Variants in NDUFAF6 observed in about 807,000 individuals in gnomAD.
NDUFAF6 encodes the protein NADH:ubiquinone oxidoreductase complex assembly factor 6, also known as NADH dehydrogenase (ubiquinone) complex I, assembly factor 6.
Under a neutral mutation model 40.8 loss-of-function variants are expected in NDUFAF6, and 45 were observed. The observed-to-expected ratio is 1.10, with a 90% CI of 0.87 to 1.42. The LOEUF (loss-of-function observed/expected upper bound fraction) is 1.42, where lower values mean the gene tolerates loss of function less well. NDUFAF6 is among the 40% of genes most tolerant of loss of function. The pLI is 0.00. For missense variants in NDUFAF6, 435 were observed against 418.5 expected, an observed-to-expected ratio of 1.04 and a Z score of -0.34; for synonymous variants, 185 against 155.9, an observed-to-expected ratio of 1.19 and a Z score of -1.39.
At chr8:95,074,935 T>G (rs1202645766) in intron 9 of NDUFAF6, among the ~76,000 whole-genome samples, 1 of 152,160 alleles carries the variant, frequency 6.6e-6, no homozygotes, top group Admixed American at 6.5e-5. Context: ...CTCAAAAATT[T>G]CATTCAAAGA....
At chr8:94,906,839 T>C (rs1357246106) in intron 1 of NDUFAF6, among the ~76,000 whole-genome samples, 1 of 152,236 alleles carries the variant, frequency 6.6e-6, no homozygotes, top group African/African-American at 2.4e-5. Context: ...CCCTGTGCTT[T>C]ATCTATTTGT....
In NDUFAF6 at chr8:95,058,168, CTG is replaced by C; in HGVS notation, c.*233_*234del. On this transcript the variant is annotated 3_prime_UTR_variant, in exon 9 of 9. Transcript: ENST00000396124. ...CCTGGCCCAGACAGTGTCTGCTGTG[CTG>C]TCCCTGGAAGCTGGAGCTCCAACAG... 7.0e-7 allele frequency: 1 copy of C among 1,428,698 alleles called. No individual in the cohort carries two copies. The allele number at this position is 1,428,698 out of a possible 1,614,324, so 88.5% of individuals were successfully genotyped here. A position where few individuals can be genotyped will look rare whatever the true frequency, so the allele number is the denominator to read the frequency against.
At chr8:95,025,915 A>G (rs1828061019) in intron 1 of NDUFAF6, among the ~76,000 whole-genome samples, 1 of 152,180 alleles carries the variant, frequency 6.6e-6, no homozygotes. Flanking sequence ...TTCATGCGGC[A>G]GGGACCCCTG....
intron 1 of NDUFAF6, among the ~76,000 whole-genome samples, chr8:94,904,315 TTTTGC>T: frequency 1.5e-5 from 2 of 129,768 alleles, no homozygotes; most frequent in Non-Finnish European, 3.3e-5. Flanking sequence ...GGCTAATTTT[TTTTGC>T]TTTTTTTTTT....
chr8:94,935,119 GTAGATAGATA>G lies in NDUFAF6; in HGVS notation c.-935-10353_-935-10344del, dbSNP rs959014582. Reference sequence around the variant, plus strand: ...GGTAGGTAGGTAGGTAGGTACATAGGTAGATAGATATAGATAGATAGATAGATAGATAGAT... The same window carrying G: ...GGTAGGTAGGTAGGTAGGTACATAGGTAGATAGATAGATAGATAGATAGAT... On this transcript the variant is annotated intron_variant, in intron 1 of 14. Coordinates refer to the NDUFAF6 transcript ENST00000396113. 4.3e-5 allele frequency among the ~76,000 whole-genome samples: 5 copies of G among 115,850 alleles called. No homozygotes were observed. In the East Asian group the frequency reaches 7.2e-4, roughly 17 times the overall value. 76.0% of individuals were successfully genotyped at this position (115,850 alleles called of 152,430 possible).
At chr8:94,986,379 G>A (rs1221687834) in intron 2 of NDUFAF6, among the ~76,000 whole-genome samples, 1 of 152,176 alleles carries the variant, frequency 6.6e-6, no homozygotes, top group African/African-American at 2.4e-5. Context: ...GCCTTCCTTT[G>A]CAGCTTTGTA....
chr8:94,964,232 G>A (rs961987021), intron 1 of NDUFAF6, among the ~76,000 whole-genome samples: 1 of 152,000 alleles, frequency 6.6e-6, no homozygotes, highest in Non-Finnish European at 1.5e-5. Flanking sequence ...GTTTGAGACC[G>A]ACCTGGGCAA....
chr8:95,060,942 G>A (rs1388803803), downstream of NDUFAF6, among the ~76,000 whole-genome samples: 1 of 152,126 alleles, frequency 6.6e-6, no homozygotes, highest in African/African-American at 2.4e-5. Flanking sequence ...TGTATATGGT[G>A]GGGGAGTGTG....
At chr8:95,025,507 A>G (rs1210834763) in intron 1 of NDUFAF6, among the ~76,000 whole-genome samples, 1 of 152,208 alleles carries the variant, frequency 6.6e-6, no homozygotes, top group Non-Finnish European at 1.5e-5. Flanking sequence ...TTATTCACAG[A>G]ACGTCTATTA....
intron 2 of NDUFAF6, chr8:94,988,495 T>A (rs1826043558): frequency 1.3e-5 from 2 of 152,212 alleles, no homozygotes; most frequent in African/African-American, 4.8e-5. Flanking sequence ...TGAATTCATT[T>A]TCTCTCTTGA....
chr8:95,097,168 G>A (rs1245794064), upstream of NDUFAF6, among the ~76,000 whole-genome samples: 3 of 152,206 alleles, frequency 2.0e-5, no homozygotes, highest in African/African-American at 7.2e-5. Context: ...ATGTCCATGG[G>A]AAATTACCAA....
At chr8:94,904,819 T>C (rs1240022778) in intron 1 of NDUFAF6, among the ~76,000 whole-genome samples, 2 of 152,172 alleles carry the variant, frequency 1.3e-5, no homozygotes, top group Non-Finnish European at 2.9e-5. Context: ...CCTTGAGTTC[T>C]TTATTTCTGC....
chr8:94,903,467 A>G (rs1306260375), intron 1 of NDUFAF6, among the ~76,000 whole-genome samples: 1 of 152,246 alleles, frequency 6.6e-6, no homozygotes, highest in Non-Finnish European at 1.5e-5. Flanking sequence ...CAAAAACAAA[A>G]GCAAATTATA....
At chr8:94,949,918 T>C (rs1432397320) in intron 2 of NDUFAF6, 1 of 151,932 alleles carries the variant, frequency 6.6e-6, no homozygotes, top group African/African-American at 2.4e-5. Flanking sequence ...AGGGGGCCGC[T>C]GCTGGGCCCC....
At chr8:94,997,335 C>CAGAGAG (rs1352657153) in intron 2 of NDUFAF6, among the ~76,000 whole-genome samples, 5 of 137,402 alleles carry the variant, frequency 3.6e-5, no homozygotes, top group African/African-American at 1.4e-4. Flanking sequence ...CACACACACA[C>CAGAGAG]ACACACACAG....
chr8:94,971,708 G>A (rs1434318889), intron 1 of NDUFAF6, among the ~76,000 whole-genome samples: 10 of 152,110 alleles, frequency 6.6e-5, no homozygotes, highest in African/African-American at 2.2e-4. Context: ...AGGCGGAGGC[G>A]GGTGGATCAC....
intron 3 of NDUFAF6, among the ~76,000 whole-genome samples, chr8:95,037,731 G>A (rs1563814013): frequency 6.6e-6 from 1 of 152,020 alleles, no homozygotes; most frequent in Non-Finnish European, 1.5e-5. Flanking sequence ...GAGAGTCTTA[G>A]TTGAAGTATA....
At chr8:95,000,956 T>A (rs1826703211) in intron 2 of NDUFAF6, among the ~76,000 whole-genome samples, 1 of 115,106 alleles carries the variant, frequency 8.7e-6, no homozygotes, top group Non-Finnish European at 2.1e-5. Context: ...TCCCCTTACT[T>A]TTTTTTTTTT....
upstream of NDUFAF6, among the ~76,000 whole-genome samples, chr8:94,956,073 A>T (rs888428378): frequency 7.2e-5 from 11 of 152,200 alleles, no homozygotes; most frequent in African/African-American, 2.4e-4. Context: ...ACCTTAGTGC[A>T]AGCTGAATGA....
Sources: gnomAD v4.1 joint callset for allele counts (sites outside exome capture counted in the v4.1 genomes callset) on GRCh38, gnomAD v4.1.1 for gene constraint, MANE v1.5 for transcripts, NCBI Gene and HGNC (gene_info 2026-07-23, HGNC 2026-07-21) for gene names.